CDH13: variants seen among roughly 807,000 people sequenced by gnomAD.
The protein encoded by CDH13 is cadherin-13.
In CDH13, 24 loss-of-function variants were observed where a neutral mutation model predicts 63.8. The ratio of observed to expected loss-of-function variants is 0.38; its 90% CI spans 0.27 to 0.53. CDH13 has a LOEUF of 0.53. Ranked by LOEUF, CDH13 falls within the 20% of genes least tolerant of loss-of-function variation. CDH13 has a pLI of 0.85. For synonymous variants in CDH13, 503 were observed against 355.3 expected, an observed-to-expected ratio of 1.42 and a Z score of -4.67; for missense variants, 1,049 against 903.1, an observed-to-expected ratio of 1.16 and a Z score of -2.07.
intron 2 of CDH13, among the ~76,000 whole-genome samples, chr16:82,868,301 A>G (rs1335604371): frequency 6.6e-6 from 1 of 152,230 alleles, no homozygotes; most frequent in African/African-American, 2.4e-5. Context: ...AGAGCTCAGT[A>G]GAAATGTTAT....
intron 1 of CDH13, among the ~76,000 whole-genome samples, chr16:82,755,701 G>C (rs1423476007): frequency 6.6e-6 from 1 of 152,148 alleles, no homozygotes; most frequent in East Asian, 1.9e-4. Context: ...CTGACGTCAA[G>C]GTCTATGAGC....
intron 1 of CDH13, among the ~76,000 whole-genome samples, chr16:82,655,982 G>A (rs1372908596): frequency 6.6e-6 from 1 of 152,088 alleles, no homozygotes; most frequent in Admixed American, 6.6e-5. Context: ...CCAGTGGCAT[G>A]TCTCAGGACA....
intron 1 of CDH13, among the ~76,000 whole-genome samples, chr16:82,688,720 A>C (rs1915336233): frequency 6.6e-6 from 1 of 152,224 alleles, no homozygotes; most frequent in Non-Finnish European, 1.5e-5. Context: ...CCTTCATTTA[A>C]AAAATATATT....
intron 4 of CDH13, among the ~76,000 whole-genome samples, chr16:83,127,289 C>T (rs2035853182): frequency 6.6e-6 from 1 of 152,124 alleles, no homozygotes; most frequent in Non-Finnish European, 1.5e-5. Flanking sequence ...AAGATTTCCC[C>T]AGAAGACTGC....
intron 1 of CDH13, among the ~76,000 whole-genome samples, chr16:82,819,318 G>A (rs530202070): frequency 6.6e-6 from 1 of 152,276 alleles, no homozygotes; most frequent in African/African-American, 2.4e-5. Context: ...AACCTTTTCA[G>A]CCACCAGCCA....
intron 1 of CDH13, among the ~76,000 whole-genome samples, chr16:82,742,553 T>C (rs1311708988): frequency 6.6e-6 from 1 of 152,180 alleles, no homozygotes; most frequent in African/African-American, 2.4e-5. Context: ...TTCTCTTTTG[T>C]AATTAACTAA....
chr16:83,593,634 G>A (rs1377965080), intron 7 of CDH13, among the ~76,000 whole-genome samples: 2 of 151,772 alleles, frequency 1.3e-5, no homozygotes, highest in African/African-American at 4.8e-5. Flanking sequence ...TATTTGTCCT[G>A]TAATAATTGT....
intron 2 of CDH13, among the ~76,000 whole-genome samples, chr16:82,891,944 G>T (rs16958826): frequency 0.2 from 30,036 of 152,110 alleles, 3,008 homozygotes; most frequent in Middle Eastern, 0.3. Context: ...TGAGACAATT[G>T]TTGTTGGTCA....
intron 2 of CDH13, among the ~76,000 whole-genome samples, chr16:82,966,141 ATTT>A (rs1452264055): frequency 6.6e-6 from 1 of 151,636 alleles, no homozygotes; most frequent in Admixed American, 6.6e-5. Context: ...TATTTTTCCT[ATTT>A]TTGTTTGTTT....
intron 2 of CDH13, among the ~76,000 whole-genome samples, chr16:82,864,836 G>A (rs1273688517): frequency 6.6e-6 from 1 of 152,134 alleles, no homozygotes; most frequent in Non-Finnish European, 1.5e-5. Flanking sequence ...CAAGTCCAAA[G>A]TCTCAACTGA....
chr16:83,086,283 T>C (rs1192502234), intron 3 of CDH13, among the ~76,000 whole-genome samples: 1 of 152,114 alleles, frequency 6.6e-6, no homozygotes, highest in African/African-American at 2.4e-5. Flanking sequence ...GCCTAGACAA[T>C]GTAGAGCGTT....
intron 6 of CDH13, among the ~76,000 whole-genome samples, chr16:83,436,837 A>G (rs750839552): frequency 6.6e-5 from 10 of 152,224 alleles, no homozygotes; most frequent in Admixed American, 4.6e-4. Context: ...CATTTAATCC[A>G]TAGAGATAAA....
At chr16:83,664,471 A>T (rs1913745981) in intron 8 of CDH13, among the ~76,000 whole-genome samples, 1 of 151,034 alleles carries the variant, frequency 6.6e-6, no homozygotes, top group Admixed American at 6.6e-5. Flanking sequence ...TACTGTTTAA[A>T]ATTTTTATGT....
intron 2 of CDH13, among the ~76,000 whole-genome samples, chr16:82,967,225 CT>C (rs1907976579): frequency 6.6e-6 from 1 of 152,098 alleles, no homozygotes; most frequent in Non-Finnish European, 1.5e-5. Context: ...ACCCCCATGG[CT>C]TTACCCCATC....
chr16:83,142,518 A>C (rs1013324653), intron 4 of CDH13, among the ~76,000 whole-genome samples: 1 of 151,724 alleles, frequency 6.6e-6, no homozygotes, highest in East Asian at 1.9e-4. Flanking sequence ...GTTGAACGTT[A>C]CCTCCTCGGG....
chr16:82,723,885 C>T (rs530253158), intron 1 of CDH13, among the ~76,000 whole-genome samples: 62 of 152,232 alleles, frequency 4.1e-4, no homozygotes, highest in African/African-American at 1.2e-3. Flanking sequence ...AGTTTTCAGT[C>T]TTACCTGTTA....
chr16:83,612,616 A>C (rs1364111004), intron 8 of CDH13, among the ~76,000 whole-genome samples: 1 of 151,676 alleles, frequency 6.6e-6, no homozygotes. Flanking sequence ...TATCTTTTTC[A>C]CATTTACTTG....
intron 3 of CDH13, among the ~76,000 whole-genome samples, chr16:83,092,360 C>T (rs1220062245): frequency 6.6e-6 from 1 of 152,158 alleles, no homozygotes; most frequent in African/African-American, 2.4e-5. Context: ...ACTGTTAGTA[C>T]AGATCATCTG....
Position 82,773,683 on chromosome 16 carries a change from AACTG to A in CDH13, c.46-84676_46-84673del, listed in dbSNP as rs1007899007. 5.9e-5 allele frequency among the ~76,000 whole-genome samples: 9 copies of A among 152,192 alleles called. 1 individual carries two copies. Among genetic ancestry groups the A allele is most frequent in the Non-Finnish European group, 2.9e-5 (2 of 68,032 alleles). ...GTGTGTTCAGTTACCATTATGAAGT[AACTG>A]ACCTGAAGCAAACTGAAAATAAATC... On this transcript the variant is annotated intron_variant, in intron 1 of 13. Transcript: ENST00000567109.
Sources: gnomAD v4.1 joint callset for allele counts (sites outside exome capture counted in the v4.1 genomes callset) on GRCh38, gnomAD v4.1.1 for gene constraint, MANE v1.5 for transcripts, NCBI Gene and HGNC (gene_info 2026-07-23, HGNC 2026-07-21) for gene names.